The following KLHL28 variants were observed in gnomAD, a reference collection of about 807,000 sequenced individuals.
KLHL28 encodes kelch-like protein 28.
Under a neutral mutation model 48.3 loss-of-function variants are expected in KLHL28, and 22 were observed. The ratio of observed to expected loss-of-function variants is 0.46; its 90% CI spans 0.33 to 0.65. The LOEUF (loss-of-function observed/expected upper bound fraction) is 0.65, where lower values mean the gene tolerates loss of function less well. KLHL28 is among the 30% of genes least tolerant of loss of function. The pLI, the probability that KLHL28 is intolerant of heterozygous loss-of-function variation, is 0.03. For synonymous variants in KLHL28, 243 were observed against 242.4 expected (o/e 1.00, Z -0.02); for missense variants, 527 against 704.3 (o/e 0.75, Z 2.85).
rs1396566337 is a variant in KLHL28, at chr14:44,945,935, A to G, written c.1-7T>C. ...TCGGGGATGTGTGGTCCATCTACAGAAAAATAAAAAAGCATAGACAGTTAT... is the reference window on the plus strand; with the variant it reads ...TCGGGGATGTGTGGTCCATCTACAGGAAAATAAAAAAGCATAGACAGTTAT... On this transcript the variant is annotated splice_polypyrimidine_tract_variant and splice_region_variant and intron_variant, in intron 1 of 4. Coordinates refer to ENST00000396128, the MANE Select transcript of KLHL28 (RefSeq NM_017658.5). 1 of 1,604,082 alleles carries G rather than the reference A, an allele frequency of 6.2e-7. No homozygotes were observed. The highest frequency in any genetic ancestry group is 1.3e-5 in the African/African-American group (1 of 74,564).
chr14:44,958,237 A>C (rs1046075819), intron 1 of KLHL28, among the ~76,000 whole-genome samples: 5 of 152,016 alleles, frequency 3.3e-5, no homozygotes, highest in African/African-American at 1.2e-4. Context: ...CAAGTTAATA[A>C]AGGTCAAGTT....
At chr14:44,936,418 G>T (rs1205455385) in intron 2 of KLHL28, among the ~76,000 whole-genome samples, 1 of 152,184 alleles carries the variant, frequency 6.6e-6, no homozygotes, top group Non-Finnish European at 1.5e-5. Flanking sequence ...TAGTGAATAA[G>T]TAGAGAGGTG....
Position 44,925,367 on chromosome 14 carries a change from T to C in KLHL28, c.*3661A>G, listed in dbSNP as rs959078734. 2.6e-5 allele frequency: 4 copies of C among 152,102 alleles called. No homozygotes were observed. Among genetic ancestry groups the C allele is most frequent in the Non-Finnish European group, 5.9e-5 (4 of 67,954 alleles). The allele number at this position is 152,102 out of a possible 1,614,324, so 9.4% of individuals were successfully genotyped here. On this transcript the variant is annotated 3_prime_UTR_variant, in exon 5 of 5. Transcript: ENST00000396128. ...ATATATATATTTAAAATTTCTATAG[T>C]TTTCTTACTAGAAAATACATTATCC...
intron 1 of KLHL28, among the ~76,000 whole-genome samples, chr14:44,960,370 A>G (rs981084723): frequency 6.6e-6 from 1 of 152,172 alleles, no homozygotes; most frequent in South Asian, 2.1e-4. Flanking sequence ...GATCCAACAT[A>G]AACTGGCACT....
At chr14:44,943,859 A>G (rs895199008) in intron 2 of KLHL28, among the ~76,000 whole-genome samples, 2 of 151,884 alleles carry the variant, frequency 1.3e-5, no homozygotes, top group Non-Finnish European at 2.9e-5. Context: ...GGACTACAGG[A>G]GTGCAACACC....
intron 1 of KLHL28, among the ~76,000 whole-genome samples, chr14:44,948,540 T>C (rs1010593891): frequency 6.6e-6 from 1 of 152,136 alleles, no homozygotes; most frequent in Non-Finnish European, 1.5e-5. Context: ...GAAGTTTACC[T>C]GAAAGTGATT....
chr14:44,936,529 G>C (rs937854590), intron 2 of KLHL28, among the ~76,000 whole-genome samples: 3 of 152,150 alleles, frequency 2.0e-5, no homozygotes, highest in East Asian at 3.8e-4. Flanking sequence ...AAGAGGTAAG[G>C]GGAAGGGTTT....
intron 1 of KLHL28, among the ~76,000 whole-genome samples, chr14:44,951,830 T>TC (rs1884594557): frequency 6.6e-6 from 1 of 152,214 alleles, no homozygotes; most frequent in South Asian, 2.1e-4. Context: ...CTAGCAGTTT[T>TC]CCATAACATA....
chr14:44,943,434 G>T (rs2138623453), intron 2 of KLHL28, among the ~76,000 whole-genome samples: 1 of 152,278 alleles, frequency 6.6e-6, no homozygotes, highest in South Asian at 2.1e-4. Context: ...AAGGCAGGTG[G>T]ATCACCTGAG....
chr14:44,935,176 G>C (rs1050411887), intron 2 of KLHL28, among the ~76,000 whole-genome samples: 1 of 152,148 alleles, frequency 6.6e-6, no homozygotes, highest in Non-Finnish European at 1.5e-5. Flanking sequence ...ATGTCGCTGG[G>C]GGAATCTTAC....
chr14:44,932,543 G>A (rs944907226), intron 3 of KLHL28, among the ~76,000 whole-genome samples: 1 of 152,080 alleles, frequency 6.6e-6, no homozygotes, highest in Non-Finnish European at 1.5e-5. Context: ...AAGGCACAGA[G>A]GTAAGATTGT....
intron 1 of KLHL28, among the ~76,000 whole-genome samples, chr14:44,950,427 G>C (rs1055388158): frequency 2.0e-5 from 3 of 152,136 alleles, no homozygotes; most frequent in Non-Finnish European, 2.9e-5. Flanking sequence ...CATAGTGATA[G>C]ATCCTATATT....
chr14:44,940,661 G>A (rs921578189), intron 2 of KLHL28, among the ~76,000 whole-genome samples: 9 of 151,974 alleles, frequency 5.9e-5, no homozygotes, highest in Admixed American at 2.6e-4. Context: ...CAACCCCCCC[G>A]CCAGCCAGTA....
intron 1 of KLHL28, among the ~76,000 whole-genome samples, chr14:44,954,567 A>G: frequency 6.6e-6 from 1 of 152,188 alleles, no homozygotes. Context: ...TCCCTGATCT[A>G]AGCAAAGTGT....
At chr14:44,952,805 T>C (rs1427494259) in intron 1 of KLHL28, among the ~76,000 whole-genome samples, 2 of 152,160 alleles carry the variant, frequency 1.3e-5, no homozygotes, top group East Asian at 3.8e-4. Flanking sequence ...GAAGTAATAC[T>C]TTCTAATCCT....
At position 44,927,784 on chromosome 14, in the gene KLHL28, T is replaced by C. The variant is rs1388368429; in HGVS notation, c.*1244A>G. On this transcript the variant is annotated 3_prime_UTR_variant, in exon 5 of 5. Transcript: ENST00000396128. ...GTTACCTAAGAAATGTACAAAGTAA[T>C]GCATAACTGCCTAGTGCTTTATATT... The C allele has an allele frequency of 6.6e-6, 1 of 152,620 alleles. No individual in the cohort carries two copies. The allele number at this position is 152,620 out of a possible 1,614,324, so 9.5% of individuals were successfully genotyped here.
In KLHL28 at chr14:44,945,485, A is replaced by C; in HGVS notation, c.444T>G (p.Gly148=). ...IGISRFAETY[G]CRDLYLAATK... ...TGGCTGCCAAATAAAGGTCACGGCA[A>C]CCATATGTTTCTGCAAAACGAGAAA... is the stretch of plus-strand genomic sequence containing the variant. The change falls in exon 2 of 5, where the codon GGT becomes GGG. Residue 148 remains glycine (G), a synonymous_variant. Transcript: ENST00000396128. The C allele has an allele frequency of 6.2e-7, 1 of 1,614,210 alleles. No homozygotes were observed. Among genetic ancestry groups the C allele is most frequent in the Non-Finnish European group, 8.5e-7 (1 of 1,180,026 alleles).
intron 3 of KLHL28, among the ~76,000 whole-genome samples, chr14:44,933,698 A>G (rs1482758543): frequency 1.3e-5 from 2 of 152,240 alleles, no homozygotes; most frequent in African/African-American, 4.8e-5. Flanking sequence ...GAATATTTAA[A>G]TAAGGTTTTA....
chr14:44,948,519 C>T (rs892245319), intron 1 of KLHL28, among the ~76,000 whole-genome samples: 2 of 152,024 alleles, frequency 1.3e-5, no homozygotes, highest in Admixed American at 1.3e-4. Context: ...AAGAATACCC[C>T]ACTTATCTCA....
Sources: allele counts gnomAD v4.1 joint callset (sites outside exome capture counted in the v4.1 genomes callset), GRCh38; gene constraint gnomAD v4.1.1; transcripts MANE v1.5; gene names NCBI Gene and HGNC (gene_info 2026-07-23, HGNC 2026-07-21).